The following MEIS1 variants were observed in gnomAD, a reference collection of about 807,000 sequenced individuals.
The protein encoded by MEIS1 is homeobox protein Meis1.
MEIS1 carries 5 observed loss-of-function variants against 50.8 expected under a neutral mutation model. The ratio of observed to expected loss-of-function variants is 0.10; its 90% CI spans 0.05 to 0.21. The LOEUF is 0.21. Among genes scored for constraint, MEIS1 ranks in the 10% least tolerant of loss-of-function variants. The probability of loss-of-function intolerance (pLI) is 1.00; values close to 1 mark genes in which losing one functional copy is unlikely to be tolerated. For synonymous variants in MEIS1, 176 were observed against 179.3 expected (o/e 0.98, Z 0.15); for missense variants, 318 against 517.3 (o/e 0.61, Z 3.74).
intron 9 of MEIS1, among the ~76,000 whole-genome samples, chr2:66,558,295 A>G (rs1390737980): frequency 1.3e-5 from 2 of 150,468 alleles, no homozygotes; most frequent in Admixed American, 6.6e-5. Context: ...AAAAAAAAAA[A>G]AAAAAAAAAG....
chr2:66,480,451 C>T (rs748125291), intron 7 of MEIS1, among the ~76,000 whole-genome samples: 9 of 152,172 alleles, frequency 5.9e-5, no homozygotes, highest in Admixed American at 1.3e-4. Context: ...GGAGATTTAG[C>T]ACACTGGGAT....
intron 6 of MEIS1, among the ~76,000 whole-genome samples, chr2:66,459,437 A>C (rs1398665475): frequency 6.6e-6 from 1 of 152,130 alleles, no homozygotes; most frequent in Non-Finnish European, 1.5e-5. Context: ...TTCATTCAAC[A>C]AATGTTTCCT....
intron 7 of MEIS1, among the ~76,000 whole-genome samples, chr2:66,482,781 A>G (rs1673048558): frequency 6.6e-6 from 1 of 152,086 alleles, no homozygotes; most frequent in South Asian, 2.1e-4. Context: ...GAACACACAT[A>G]TTTCCCAATG....
intron 7 of MEIS1, among the ~76,000 whole-genome samples, chr2:66,482,021 C>G (rs1287878459): frequency 6.7e-6 from 1 of 148,194 alleles, no homozygotes; most frequent in Non-Finnish European, 1.5e-5. Flanking sequence ...CACACCACAC[C>G]CAGCTAATTT....
At chr2:66,463,006 T>C (rs1052372625) in intron 6 of MEIS1, among the ~76,000 whole-genome samples, 1 of 152,052 alleles carries the variant, frequency 6.6e-6, no homozygotes, top group Admixed American at 6.6e-5. Flanking sequence ...TCTCCCTGGG[T>C]GTCTGAGACA....
chr2:66,539,184 G>T (rs1042814021), intron 8 of MEIS1, among the ~76,000 whole-genome samples: 1 of 152,128 alleles, frequency 6.6e-6, no homozygotes, highest in Non-Finnish European at 1.5e-5. Flanking sequence ...ACCGTGCCTG[G>T]CCAAAAGTGC....
At chr2:66,449,024 A>G (rs568453430) in intron 6 of MEIS1, among the ~76,000 whole-genome samples, 109 of 152,264 alleles carry the variant, frequency 7.2e-4, no homozygotes, top group African/African-American at 2.5e-3. Flanking sequence ...AATCGAAACA[A>G]AATTTTTTGC....
chr2:66,558,923 CCT>C (rs1208577453), intron 9 of MEIS1, among the ~76,000 whole-genome samples: 3 of 152,130 alleles, frequency 2.0e-5, no homozygotes, highest in Non-Finnish European at 4.4e-5. Flanking sequence ...GGGCAGATCA[CCT>C]GAGGTCAGGA....
intron 9 of MEIS1, among the ~76,000 whole-genome samples, chr2:66,560,997 T>C (rs898635674): frequency 6.6e-6 from 1 of 152,228 alleles, no homozygotes; most frequent in Non-Finnish European, 1.5e-5. Context: ...CTTAAAATCA[T>C]GTTTCATGAA....
intron 8 of MEIS1, among the ~76,000 whole-genome samples, chr2:66,515,819 T>C (rs1673953554): frequency 6.6e-6 from 1 of 152,198 alleles, no homozygotes; most frequent in African/African-American, 2.4e-5. Context: ...CATTTATTAA[T>C]AGGAATTCTT....
intron 8 of MEIS1, among the ~76,000 whole-genome samples, chr2:66,521,563 T>G (rs573395356): frequency 6.6e-6 from 1 of 152,336 alleles, no homozygotes; most frequent in South Asian, 2.1e-4. Flanking sequence ...CTGATCATTT[T>G]AAAGCTAGTA....
In MEIS1 at chr2:66,560,272, A is replaced by G. The variant is rs189323056; in HGVS notation, c.966-7181A>G. Among the ~76,000 whole-genome samples, 9 of 152,088 alleles carry G rather than the reference A, an allele frequency of 5.9e-5. No individual in the cohort carries two copies. In the East Asian group the frequency reaches 1.7e-3, roughly 29 times the overall value. ...TTTGCATCATCATTGTCAACTAGTG[A>G]TTGGTTCATTTCACAAGCTGCTTTA... On this transcript the variant is annotated intron_variant, in intron 9 of 12. Coordinates refer to ENST00000272369, the MANE Select transcript of MEIS1 (RefSeq NM_002398.3).
chr2:66,558,142 G>C (rs1056323412), intron 9 of MEIS1, among the ~76,000 whole-genome samples: 1 of 151,868 alleles, frequency 6.6e-6, no homozygotes, highest in Non-Finnish European at 1.5e-5. Flanking sequence ...AGCTGGGAGT[G>C]GGGGTGCATG....
At chr2:66,498,669 T>C (rs987767243) in intron 7 of MEIS1, among the ~76,000 whole-genome samples, 7 of 152,160 alleles carry the variant, frequency 4.6e-5, no homozygotes, top group African/African-American at 1.7e-4. Context: ...GCTACAGTCT[T>C]CCTGGCCTGG....
At chr2:66,510,220 A>C (rs1673792538) in intron 7 of MEIS1, among the ~76,000 whole-genome samples, 1 of 152,202 alleles carries the variant, frequency 6.6e-6, no homozygotes. Flanking sequence ...AGGCTGTTTA[A>C]ATACTGGACT....
chr2:66,484,686 A>G (rs1407950621), intron 7 of MEIS1, among the ~76,000 whole-genome samples: 3 of 151,790 alleles, frequency 2.0e-5, no homozygotes, highest in South Asian at 2.1e-4. Flanking sequence ...AGCCTCCCAA[A>G]TAGCTGGGAT....
intron 7 of MEIS1, among the ~76,000 whole-genome samples, chr2:66,497,956 G>T (rs1322089069): frequency 2.6e-5 from 4 of 152,074 alleles, no homozygotes; most frequent in African/African-American, 4.8e-5. Context: ...CACTTGCAAA[G>T]TTCCAAGTCA....
intron 6 of MEIS1, among the ~76,000 whole-genome samples, chr2:66,456,902 T>A (rs1010172483): frequency 6.6e-5 from 10 of 152,208 alleles, no homozygotes; most frequent in African/African-American, 2.4e-4. Context: ...CAGTGCACAG[T>A]GTGGACTTAG....
chr2:66,565,215 G>C (rs774065787), intron 9 of MEIS1, among the ~76,000 whole-genome samples: 4 of 152,066 alleles, frequency 2.6e-5, no homozygotes, highest in Non-Finnish European at 4.4e-5. Flanking sequence ...TAGTTTATGG[G>C]AGTCTCAATA....
Sources: allele counts gnomAD v4.1 joint callset (sites outside exome capture counted in the v4.1 genomes callset), GRCh38; gene constraint gnomAD v4.1.1; transcripts MANE v1.5; gene names NCBI Gene and HGNC (gene_info 2026-07-23, HGNC 2026-07-21).